Variants in CRTAM observed in about 807,000 individuals in gnomAD.
CRTAM encodes the protein cytotoxic and regulatory T-cell molecule.
Under a neutral mutation model 50.0 loss-of-function variants are expected in CRTAM, and 44 were observed. The ratio of observed to expected loss-of-function variants is 0.88; its 90% confidence interval spans 0.69 to 1.13. CRTAM has a LOEUF of 1.13. Among genes scored for constraint, CRTAM ranks in the 50% most tolerant of loss-of-function variants. CRTAM has a pLI of 0.00. For missense variants in CRTAM, 448 were observed against 457.5 expected (o/e 0.98, Z 0.19); for synonymous variants, 159 against 169.3 (o/e 0.94, Z 0.47).
chr11:122,843,201 G>A (rs1861820949), intron 1 of CRTAM, among the ~76,000 whole-genome samples: 1 of 152,142 alleles, frequency 6.6e-6, no homozygotes, highest in African/African-American at 2.4e-5. Context: ...GTGCTTTGGT[G>A]TAAAGCCATC....
chr11:122,848,946 C>A (rs1188687418), intron 1 of CRTAM, among the ~76,000 whole-genome samples: 2 of 152,024 alleles, frequency 1.3e-5, no homozygotes, highest in Admixed American at 1.3e-4. Flanking sequence ...TCATCAATTT[C>A]TTTTTTTGGG....
intron 1 of CRTAM, among the ~76,000 whole-genome samples, chr11:122,839,056 G>A (rs563307551): frequency 6.6e-6 from 1 of 152,072 alleles, no homozygotes; most frequent in Non-Finnish European, 1.5e-5. Context: ...AGCCTCCCAA[G>A]TAGCTGGGAC....
chr11:122,863,184 C>G (rs1401986816), intron 6 of CRTAM, among the ~76,000 whole-genome samples: 1 of 150,884 alleles, frequency 6.6e-6, no homozygotes, highest in Non-Finnish European at 1.5e-5. Context: ...TGTATTTTAC[C>G]TAGCATAGTA....
intron 6 of CRTAM, among the ~76,000 whole-genome samples, chr11:122,863,351 AAAAGAAAGAAAGAAAG>A (rs781036189): frequency 1.6e-5 from 1 of 60,610 alleles, no homozygotes; most frequent in Non-Finnish European, 5.0e-5. Context: ...GAAAGAAAGA[AAAAGAAAGAAAGAAAG>A]AAAAAGAAAG....
intron 9 of CRTAM, among the ~76,000 whole-genome samples, chr11:122,868,696 G>A (rs1289152320): frequency 1.3e-5 from 2 of 152,232 alleles, no homozygotes; most frequent in South Asian, 2.1e-4. Flanking sequence ...ATTAACCATC[G>A]CAATTAAGTA....
rs756962853 is a variant in CRTAM, at chr11:122,867,543, A to G, written c.952A>G (p.Ile318Val). 2 of 1,613,772 alleles carry G rather than the reference A, an allele frequency of 1.2e-6. No homozygotes were observed. Among genetic ancestry groups the G allele is most frequent in the South Asian group, 2.2e-5 (2 of 90,998 alleles). ...CATGAAGCTGAGGAAAGCACATGTG[A>G]TATGGAAGAAAGGTCAGTGGGCAGG... ...FIMKLRKAHV[I>V]WKKENEVSEH... The change falls in exon 8 of 10, where the codon ATA (isoleucine) becomes GTA (valine). Residue 318 changes from isoleucine (I) to valine (V), a missense_variant. Ile to Val is a conservative substitution (Grantham distance 29). Coordinates refer to ENST00000227348, the MANE Select transcript of CRTAM (RefSeq NM_019604.4).
chr11:122,871,580 G>A lies in CRTAM; in HGVS notation c.*181G>A. On this transcript the variant is annotated 3_prime_UTR_variant, in exon 10 of 10. Coordinates refer to ENST00000227348, the MANE Select transcript of CRTAM (RefSeq NM_019604.4). The stretch of plus-strand genomic sequence containing the variant: ...GGCAGCAACATGAGGACCAAACCAT[G>A]CACATAAAGCTTGTAGTTTAAAAAA... The A allele has an allele frequency of 2.3e-6, 1 of 437,084 alleles. No homozygotes were observed. The highest frequency in any genetic ancestry group is 4.0e-6 in the Non-Finnish European group (1 of 247,766). The allele number at this position is 437,084 out of a possible 1,614,324, so 27.1% of individuals were successfully genotyped here. A position where few individuals can be genotyped will look rare whatever the true frequency, so the allele number is the denominator to read the frequency against.
At chr11:122,863,351 A>AAGAAAGAAAGAAAGAAAGAAAAAG (rs1244147699) in intron 6 of CRTAM, among the ~76,000 whole-genome samples, 2 of 60,610 alleles carry the variant, frequency 3.3e-5, no homozygotes, top group African/African-American at 8.1e-5. Flanking sequence ...GAAAGAAAGA[A>AAGAAAGAAAGAAAGAAAGAAAAAG]AAAGAAAGAA....
chr11:122,854,502 G>A lies in CRTAM; in HGVS notation c.490+416G>A, dbSNP rs967067355. Among the ~76,000 whole-genome samples, 13 of 144,948 alleles carry A rather than the reference G, an allele frequency of 9.0e-5. 1 individual carries two copies. The highest frequency in any genetic ancestry group is 6.6e-4 in the South Asian group (3 of 4,550). On this transcript the variant is annotated intron_variant, in intron 4 of 9. Coordinates refer to ENST00000227348, the MANE Select transcript of CRTAM (RefSeq NM_019604.4). ...AGCCTGACCAACATGGAGAAACCTC[G>A]TCCCTACTAAAAATAAAATTAGCTG...
chr11:122,863,492 T>G (rs539926306), intron 6 of CRTAM, among the ~76,000 whole-genome samples: 11 of 152,340 alleles, frequency 7.2e-5, no homozygotes, highest in South Asian at 2.1e-4. Flanking sequence ...TAATTTCATT[T>G]GTTGGAATAA....
intron 2 of CRTAM, among the ~76,000 whole-genome samples, chr11:122,850,663 G>A (rs1036182304): frequency 6.6e-6 from 1 of 152,200 alleles, no homozygotes; most frequent in Non-Finnish European, 1.5e-5. Flanking sequence ...TTTCCAGATA[G>A]CTCTTCTTCT....
intron 7 of CRTAM, among the ~76,000 whole-genome samples, chr11:122,865,764 C>T (rs1862163794): frequency 6.6e-6 from 1 of 152,152 alleles, no homozygotes; most frequent in African/African-American, 2.4e-5. Flanking sequence ...TCACACAGGC[C>T]CCAAAGCAAC....
At chr11:122,841,502 G>A (rs1354267172) in intron 1 of CRTAM, among the ~76,000 whole-genome samples, 3 of 151,192 alleles carry the variant, frequency 2.0e-5, no homozygotes, top group East Asian at 1.9e-4. Flanking sequence ...CCGGGTTGAC[G>A]CCATTCTCCT....
chr11:122,858,167 C>T (rs575835306), intron 5 of CRTAM, among the ~76,000 whole-genome samples: 2 of 152,304 alleles, frequency 1.3e-5, no homozygotes, highest in South Asian at 2.1e-4. Context: ...CCCTCTTTGG[C>T]CTCCCAAAGT....
chr11:122,847,254 C>T (rs574694959), intron 1 of CRTAM, among the ~76,000 whole-genome samples: 23 of 152,220 alleles, frequency 1.5e-4, no homozygotes, highest in South Asian at 2.1e-4. Context: ...GGCTCGTGTG[C>T]GTGTGTGTTA....
chr11:122,839,701 C>T (rs182049457), intron 1 of CRTAM, among the ~76,000 whole-genome samples: 80 of 152,270 alleles, frequency 5.3e-4, no homozygotes, highest in Non-Finnish European at 8.5e-4. Context: ...ACATCCCTCA[C>T]AAATCCACTC....
chr11:122,847,018 AAAT>A, intron 1 of CRTAM, among the ~76,000 whole-genome samples: 1 of 152,364 alleles, frequency 6.6e-6, no homozygotes. Flanking sequence ...TCAGCTTTTC[AAAT>A]AATTATTAAG....
intron 5 of CRTAM, among the ~76,000 whole-genome samples, chr11:122,859,873 T>A (rs1862050796): frequency 6.6e-6 from 1 of 152,230 alleles, no homozygotes. Context: ...AAATACTGAT[T>A]CACTAAGTTC....
chr11:122,843,327 C>T (rs185780189), intron 1 of CRTAM, among the ~76,000 whole-genome samples: 1 of 152,284 alleles, frequency 6.6e-6, no homozygotes, highest in East Asian at 1.9e-4. Context: ...AGCTAGCAAT[C>T]TCATAACATA....
Sources: allele counts gnomAD v4.1 joint callset (sites outside exome capture counted in the v4.1 genomes callset), GRCh38; gene constraint gnomAD v4.1.1; transcripts MANE v1.5; gene names NCBI Gene and HGNC (gene_info 2026-07-23, HGNC 2026-07-21).